Variants in KIAA1217 observed in about 807,000 individuals in gnomAD.
KIAA1217 encodes KIAA1217, also known as sickle tail protein homolog.
A neutral mutation model predicts 163.9 loss-of-function variants in KIAA1217; 88 were observed. That is an observed-to-expected ratio of 0.54 (90% CI 0.45 to 0.64). The LOEUF (loss-of-function observed/expected upper bound fraction) is 0.64. KIAA1217 is among the 30% of genes least tolerant of loss of function. The probability of loss-of-function intolerance (pLI) is 0.00; values close to 1 mark genes in which losing one functional copy is unlikely to be tolerated. For synonymous variants in KIAA1217, 903 were observed against 923.1 expected, an observed-to-expected ratio of 0.98 and a Z score of 0.39; for missense variants, 2,372 against 2,475.0, an observed-to-expected ratio of 0.96 and a Z score of 0.88.
intron 2 of KIAA1217, among the ~76,000 whole-genome samples, chr10:24,150,290 C>T (rs1401902576): frequency 6.6e-6 from 1 of 152,212 alleles, no homozygotes; most frequent in African/African-American, 2.4e-5. Context: ...GCTGGGATTA[C>T]AGGCATGAGC....
rs769573868 is a variant in KIAA1217 at position 23,780,961 on chromosome 10, G to A, written c.-321+85727G>A. Among the ~76,000 whole-genome samples the A allele has an allele frequency of 1.6e-4, 25 of 152,306 alleles. 1 individual carries two copies. Among genetic ancestry groups the A allele is most frequent in the Admixed American group, 9.2e-4 (14 of 15,296 alleles). ...CTCCCAAAGGGCTGGGATTACAGGCGTGAGCCACCACACCTGGACACCGGA... is the reference window on the plus strand; with the variant it reads ...CTCCCAAAGGGCTGGGATTACAGGCATGAGCCACCACACCTGGACACCGGA... On this transcript the variant is annotated intron_variant, in intron 1 of 18. Transcript: ENST00000376462.
At chr10:23,822,980 C>T (rs898626547) in intron 1 of KIAA1217, among the ~76,000 whole-genome samples, 4 of 152,128 alleles carry the variant, frequency 2.6e-5, no homozygotes, top group Non-Finnish European at 5.9e-5. Flanking sequence ...ACCTATGTGT[C>T]CCCAAATTAA....
At chr10:24,492,730 C>T (rs972912348) in intron 6 of KIAA1217, among the ~76,000 whole-genome samples, 1 of 152,100 alleles carries the variant, frequency 6.6e-6, no homozygotes, top group Non-Finnish European at 1.5e-5. Context: ...AAACTCAAGG[C>T]CGCAATGCTT....
chr10:24,341,260 G>A (rs181861485), intron 2 of KIAA1217, among the ~76,000 whole-genome samples: 8 of 152,104 alleles, frequency 5.3e-5, no homozygotes, highest in Non-Finnish European at 1.0e-4. Context: ...GTATATGATA[G>A]GATTCCCTTT....
At chr10:24,208,600 ATTGT>A (rs1047494181), upstream of KIAA1217, among the ~76,000 whole-genome samples, 3 of 68,934 alleles carry the variant, frequency 4.4e-5, no homozygotes, top group Non-Finnish European at 8.3e-5. Flanking sequence ...TTTCTTTCAA[ATTGT>A]TTGGGATTTT....
intron 1 of KIAA1217, among the ~76,000 whole-genome samples, chr10:23,840,656 C>T (rs1564466300): frequency 1.3e-5 from 2 of 152,264 alleles, no homozygotes; most frequent in East Asian, 1.9e-4. Flanking sequence ...TGAATTTCTA[C>T]GAATGAAGGC....
At chr10:24,197,756 T>C (rs2067058358) in intron 2 of KIAA1217, among the ~76,000 whole-genome samples, 1 of 152,236 alleles carries the variant, frequency 6.6e-6, no homozygotes, top group African/African-American at 2.4e-5. Flanking sequence ...TTTTCCTGCT[T>C]CTCTCAAATC....
chr10:24,196,946 A>G (rs910400890), intron 2 of KIAA1217, among the ~76,000 whole-genome samples: 2 of 152,150 alleles, frequency 1.3e-5, no homozygotes, highest in Non-Finnish European at 2.9e-5. Flanking sequence ...TTTACCCAAC[A>G]AATATTTCTG....
At chr10:23,826,530 G>A (rs866932758) in intron 1 of KIAA1217, among the ~76,000 whole-genome samples, 1 of 152,280 alleles carries the variant, frequency 6.6e-6, no homozygotes, top group Middle Eastern at 3.4e-3. Context: ...TGAAAGCACC[G>A]TCAAAACTCC....
chr10:23,830,475 T>A (rs939100820), intron 1 of KIAA1217, among the ~76,000 whole-genome samples: 1 of 152,054 alleles, frequency 6.6e-6, no homozygotes, highest in African/African-American at 2.4e-5. Flanking sequence ...TGATAAACAG[T>A]CTAGGGTTTT....
intron 2 of KIAA1217, among the ~76,000 whole-genome samples, chr10:24,013,440 A>C (rs1358620698): frequency 6.6e-6 from 1 of 152,146 alleles, no homozygotes; most frequent in Non-Finnish European, 1.5e-5. Context: ...TAATCAGTGG[A>C]CAAAAGCCAA....
At chr10:23,818,599 G>A (rs139606517) in intron 1 of KIAA1217, among the ~76,000 whole-genome samples, 3 of 151,950 alleles carry the variant, frequency 2.0e-5, no homozygotes, top group African/African-American at 7.3e-5. Context: ...GGCATTCAGC[G>A]ACAGAAACCA....
At position 23,729,906 on chromosome 10, in the gene KIAA1217, A is replaced by AT. The variant is rs1564372227; in HGVS notation, c.-321+34672_-321+34673insT. 4.8e-3 allele frequency among the ~76,000 whole-genome samples: 571 copies of AT among 118,818 alleles called. 4 individuals are homozygous for AT. The highest frequency in any genetic ancestry group is 0.023 in the East Asian group (84 of 3,720). The allele number at this position is 118,818 out of a possible 152,430, so 77.9% of individuals were successfully genotyped here. A position where few individuals can be genotyped will look rare whatever the true frequency, so the allele number is the denominator to read the frequency against. On this transcript the variant is annotated intron_variant, in intron 1 of 18. Coordinates refer to the KIAA1217 transcript ENST00000376462. ...CATTTTCTTCTGTTATTTTCTATGAAATTTTTTTTTTTTTTGACATAGTCT... is the reference window on the plus strand; with the variant it reads ...CATTTTCTTCTGTTATTTTCTATGAATATTTTTTTTTTTTTTGACATAGTCT...
chr10:24,434,683 A>T lies in KIAA1217; in HGVS notation c.752+1490A>T, dbSNP rs530070298. Among the ~76,000 whole-genome samples the T allele has an allele frequency of 2.0e-5, 3 of 152,330 alleles. No homozygotes were observed. In the South Asian group the frequency reaches 6.2e-4, roughly 32 times the overall value. ...TTGGTGTCATGTATACAGTAGAAAGAACTCATTTGATCTGTTCCAACCAAA... is the reference window on the plus strand; with the variant it reads ...TTGGTGTCATGTATACAGTAGAAAGTACTCATTTGATCTGTTCCAACCAAA... On this transcript the variant is annotated intron_variant, in intron 4 of 20. Transcript: ENST00000376454.
intron 2 of KIAA1217, among the ~76,000 whole-genome samples, chr10:24,233,249 G>C (rs1263005824): frequency 6.6e-6 from 1 of 152,198 alleles, no homozygotes; most frequent in Non-Finnish European, 1.5e-5. Context: ...CATTGTCTGA[G>C]AGGATGCAAG....
chr10:24,007,554 G>T (rs373341108), intron 2 of KIAA1217, among the ~76,000 whole-genome samples: 1 of 152,186 alleles, frequency 6.6e-6, no homozygotes, highest in Non-Finnish European at 1.5e-5. Flanking sequence ...GTTCTGATAT[G>T]TAGCTGCTTT....
intron 1 of KIAA1217, among the ~76,000 whole-genome samples, chr10:23,971,716 G>A (rs780327461): frequency 1.3e-5 from 2 of 152,112 alleles, no homozygotes; most frequent in Non-Finnish European, 2.9e-5. Flanking sequence ...GCTATCTCTT[G>A]TGGGGAAAAT....
chr10:23,768,212 C>G (rs544019115), intron 1 of KIAA1217, among the ~76,000 whole-genome samples: 1 of 152,144 alleles, frequency 6.6e-6, no homozygotes, highest in East Asian at 1.9e-4. Context: ...AGAGGTGGAA[C>G]AGTGGGGCAG....
intron 5 of KIAA1217, among the ~76,000 whole-genome samples, chr10:24,459,735 C>A (rs2132549428): frequency 6.6e-6 from 1 of 151,150 alleles, no homozygotes; most frequent in Non-Finnish European, 1.5e-5. Flanking sequence ...CCAGCCTGGG[C>A]AATGTAGTGA....
Sources: allele counts gnomAD v4.1 joint callset (sites outside exome capture counted in the v4.1 genomes callset), GRCh38; gene constraint gnomAD v4.1.1; transcripts MANE v1.5; gene names NCBI Gene and HGNC (gene_info 2026-07-23, HGNC 2026-07-21).